LAMA5: variants seen among roughly 807,000 people sequenced by gnomAD.
LAMA5 encodes laminin subunit alpha 5, also known as laminin subunit alpha-5.
In LAMA5, 260 loss-of-function variants were observed where a neutral mutation model predicts 433.4. The observed-to-expected ratio is 0.60, with a 90% CI of 0.54 to 0.66. The LOEUF is 0.66. Ranked by LOEUF, LAMA5 falls within the 30% of genes least tolerant of loss-of-function variation. The pLI, the probability that LAMA5 is intolerant of heterozygous loss-of-function variation, is 0.00. For synonymous variants in LAMA5, 2,620 were observed against 2,226.6 expected (o/e 1.18, Z -4.97); for missense variants, 5,378 against 5,258.5 (o/e 1.02, Z -0.70).
rs34599961 is a variant in LAMA5, at chr20:62,324,366, C to T, written c.5643+75G>A. 271,475 of 1,416,136 alleles carry T rather than the reference C, an allele frequency of 0.19. 26,826 individuals are homozygous for T. Among genetic ancestry groups the T allele is most frequent in the African/African-American group, 0.27 (18,994 of 70,650 alleles). The allele number at this position is 1,416,136 out of a possible 1,614,324, so 87.7% of individuals were successfully genotyped here. ...ACCTCAGTTGACCTGGAAGTGCAGC[C>T]CCTGGTCTTCCCTGGCACACTTGAC... On this transcript the variant is annotated intron_variant, in intron 42 of 79. Transcript: ENST00000252999. This position sits in a 1 kb window ranked among gnomAD's most constrained non-coding sequence, Gnocchi z 4.4.
intron 24 of LAMA5, 40 bp from the exon 25 acceptor site, chr20:62,333,521 C>T: frequency 3.2e-6 from 5 of 1,585,758 alleles, no homozygotes; most frequent in Non-Finnish European, 4.3e-6. Context: ...TGGGCCCCAC[C>T]CCCTGACCCG....
At position 62,319,647 on chromosome 20, in the gene LAMA5, G is replaced by A. The variant is rs372408972; in HGVS notation, c.6871+37C>T. ...CACCCCTACCCCAGGCAGCCCTCCT[G>A]GCTCTGAGCCCTGAGCCTGGCTGGG... On this transcript the variant is annotated intron_variant, in intron 51 of 79. Coordinates refer to ENST00000252999, the MANE Select transcript of LAMA5 (RefSeq NM_005560.6). 57 of 1,459,836 alleles carry A rather than the reference G, an allele frequency of 3.9e-5. No homozygotes were observed. In the African/African-American group the frequency reaches 6.3e-4, roughly 16 times the overall value. 90.4% of individuals were successfully genotyped at this position (1,459,836 alleles called of 1,614,324 possible).
At chr20:62,315,655 C>T (rs1422329262) in intron 58 of LAMA5, among the ~76,000 whole-genome samples, 2 of 152,178 alleles carry the variant, frequency 1.3e-5, no homozygotes, top group East Asian at 1.9e-4. Flanking sequence ...TCCTGGGTGC[C>T]CTTCCTGCAG....
chr20:62,313,883 G>A (rs1433892887), intron 62 of LAMA5, 81 bp from the exon 63 acceptor site: 4 of 1,089,120 alleles, frequency 3.7e-6, no homozygotes, highest in Middle Eastern at 2.6e-4. Context: ...GAGGGGTGGC[G>A]AGTGGGCACG....
At chr20:62,333,727 G>C (rs753803642) in intron 23 of LAMA5, 21 bp from the exon 24 acceptor site, 1 of 1,564,068 alleles carries the variant, frequency 6.4e-7, no homozygotes, top group South Asian at 1.2e-5. Flanking sequence ...GCAGGGGTGA[G>C]ACTCCTGAGC....
At chr20:62,354,958 G>T (rs551164422) in intron 2 of LAMA5, among the ~76,000 whole-genome samples, 1 of 152,218 alleles carries the variant, frequency 6.6e-6, no homozygotes, top group South Asian at 2.1e-4. Context: ...GAGGAGGCCC[G>T]GGTGCCGGGG....
Position 62,319,003 on chromosome 20 carries a change from G to C in LAMA5, c.6882C>G (p.Ser2294=), listed in dbSNP as rs759047154. 6.3e-7 allele frequency: 1 copy of C among 1,582,230 alleles called. No homozygotes were observed. Among genetic ancestry groups the C allele is most frequent in the Admixed American group, 1.8e-5 (1 of 55,874 alleles). The change falls in exon 52 of 80, where the codon TCC becomes TCG. Residue 2294 remains serine (S), a synonymous_variant. Transcript: ENST00000252999. ...TGGCCAGCCCCAGGTGGCCCGTCTG[G>C]GACATGAGCTCTGTGGGGCAGGGGT... ...AVDRTLSELM[S]QTGHLGLANA... is the part of the protein sequence containing the mutation.
chr20:62,311,156 C>A lies in LAMA5; in HGVS notation c.10088+6G>T. ...CTCAGCCCACCCCAGCCGGGCCTGG[C>A]CTTACCAGTTCCTATGTCGGGCCAG... is the stretch of plus-strand genomic sequence containing the variant. On this transcript the variant is annotated splice_donor_region_variant and intron_variant, in intron 73 of 79. Transcript: ENST00000252999. The A allele has an allele frequency of 1.3e-6, 2 of 1,587,142 alleles. No individual in the cohort carries two copies. Among genetic ancestry groups the A allele is most frequent in the South Asian group, 2.3e-5 (2 of 86,466 alleles).
At chr20:62,352,522 C>T (rs1984512359) in intron 3 of LAMA5, among the ~76,000 whole-genome samples, 162 bp from the exon 4 acceptor site, 1 of 152,276 alleles carries the variant, frequency 6.6e-6, no homozygotes, top group East Asian at 1.9e-4. Flanking sequence ...GGGGCCTGGC[C>T]CGTTGGACTG....
chr20:62,331,033 T>C lies in LAMA5; in HGVS notation c.3649A>G (p.Ser1217Gly). The change falls in exon 29 of 80, where the codon AGT becomes GGT. Residue 1217 changes from serine (S) to glycine (G), a missense_variant and splice_region_variant. By Grantham distance (56) the Ser-to-Gly change is moderately conservative (BLOSUM62 0). Coordinates refer to ENST00000252999, the MANE Select transcript of LAMA5 (RefSeq NM_005560.6). The part of the protein sequence containing the change: ...ISSHGAFGPN[S>G]AACLPSRFPK... ...CCCAGCCCCATTACCTGCCATTACC[T>C]GTTGGGGCCAAAGGCGCCGTGGCTG... 6.3e-7 allele frequency: 1 copy of C among 1,594,952 alleles called. No homozygotes were observed. The highest frequency in any genetic ancestry group is 1.1e-5 in the South Asian group (1 of 88,518).
chr20:62,312,141 G>T (rs780671015), intron 69 of LAMA5, 32 bp downstream of exon 69: 1 of 1,609,820 alleles, frequency 6.2e-7, no homozygotes, highest in Admixed American at 1.7e-5. Context: ...GCCACCGCGG[G>T]GTGGGGAATG....
chr20:62,319,665 T>C lies in LAMA5; in HGVS notation c.6871+19A>G, dbSNP rs911661429. Reference sequence around the variant, plus strand: ...CCCTCCTGGCTCTGAGCCCTGAGCCTGGCTGGGCTGGCCCCTACCGCTCAG... The same window carrying C: ...CCCTCCTGGCTCTGAGCCCTGAGCCCGGCTGGGCTGGCCCCTACCGCTCAG... On this transcript the variant is annotated intron_variant, in intron 51 of 79. Coordinates refer to ENST00000252999, the MANE Select transcript of LAMA5 (RefSeq NM_005560.6). 4 of 1,516,826 alleles carry C rather than the reference T, an allele frequency of 2.6e-6. No individual in the cohort carries two copies. The highest frequency in any genetic ancestry group is 2.8e-5 in the African/African-American group (2 of 72,502). 94.0% of individuals were successfully genotyped at this position (1,516,826 alleles called of 1,614,324 possible).
chr20:62,347,089 T>C, intron 6 of LAMA5, 61 bp from the exon 7 acceptor site: 2 of 1,323,390 alleles, frequency 1.5e-6, no homozygotes, highest in Non-Finnish European at 2.1e-6. Context: ...AGGTGCTCAG[T>C]CCCTTCCCTG....
Position 62,329,795 on chromosome 20 carries a change from C to G in LAMA5, c.4101G>C (p.Lys1367Asn), listed in dbSNP as rs1228382952. ...GACTCACCAGCCAGAGCCACCGGCCCTTGGGCACACGCACGGTCACAGTGA... is the reference window on the plus strand; with the variant it reads ...GACTCACCAGCCAGAGCCACCGGCCGTTGGGCACACGCACGGTCACAGTGA... ...SELTVTVRVP[K>N]GRWLWLDYVL... Residue 1367 changes from lysine (K) to asparagine (N), a missense_variant, in exon 32 of 80, where the codon AAG (lysine) becomes AAC (asparagine). Coordinates refer to ENST00000252999, the MANE Select transcript of LAMA5 (RefSeq NM_005560.6). 1 of 1,612,426 alleles carries G rather than the reference C, an allele frequency of 6.2e-7. No individual in the cohort carries two copies. Among genetic ancestry groups the G allele is most frequent in the Admixed American group, 1.7e-5 (1 of 59,976 alleles).
chr20:62,316,641 T>G, intron 57 of LAMA5, 30 bp downstream of exon 57: 1 of 1,495,486 alleles, frequency 6.7e-7, no homozygotes, highest in Non-Finnish European at 9.0e-7. Flanking sequence ...CCAGCAGGCC[T>G]AAGGGCCCCC....
chr20:62,328,948 G>A lies in LAMA5; in HGVS notation c.4343C>T (p.Pro1448Leu). 6.2e-7 allele frequency: 1 copy of A among 1,612,200 alleles called. No individual in the cohort carries two copies. The change falls in exon 34 of 80, where the codon CCC (proline) becomes CTC (leucine). Residue 1448 changes from proline (P) to leucine (L), a missense_variant. Coordinates refer to ENST00000252999, the MANE Select transcript of LAMA5 (RefSeq NM_005560.6). ...CTGGCCCCCGAAGGGCTCACACGTG[G>A]GGCCTGTAGCACCTACTTCGTGGCA... ...CGCHEVGATGPTCEPFGGQCP... is the reference protein window; with the variant it reads ...CGCHEVGATGLTCEPFGGQCP...
At chr20:62,355,754 C>T (rs1033910848) in intron 2 of LAMA5, among the ~76,000 whole-genome samples, 4 of 141,306 alleles carry the variant, frequency 2.8e-5, no homozygotes, top group African/African-American at 1.3e-4. Flanking sequence ...CAGCAGCCCC[C>T]TGTGGGCCTG....
chr20:62,335,562 C>A (rs941731247), intron 18 of LAMA5, among the ~76,000 whole-genome samples: 2 of 150,602 alleles, frequency 1.3e-5, no homozygotes, highest in South Asian at 2.1e-4. Context: ...CAGCCCCCCC[C>A]CAGGAACCCC....
At chr20:62,350,355 C>T (rs1261806538) in intron 6 of LAMA5, among the ~76,000 whole-genome samples, 1 of 152,106 alleles carries the variant, frequency 6.6e-6, no homozygotes, top group Non-Finnish European at 1.5e-5. Flanking sequence ...CCAGGGCCCA[C>T]AGCTCCTGGC....
Sources: allele counts gnomAD v4.1 joint callset (sites outside exome capture counted in the v4.1 genomes callset), GRCh38; gene constraint gnomAD v4.1.1; non-coding constraint Gnocchi (gnomAD v3.1); transcripts MANE v1.5; gene names NCBI Gene and HGNC (gene_info 2026-07-23, HGNC 2026-07-21).